The following PRDM16 variants were observed in gnomAD, a reference collection of about 807,000 sequenced individuals.
PRDM16 encodes histone-lysine N-methyltransferase PRDM16.
PRDM16 carries 23 observed loss-of-function variants against 110.6 expected under a neutral mutation model. The ratio of observed to expected loss-of-function variants is 0.21; its 90% CI spans 0.15 to 0.29. PRDM16 has a LOEUF of 0.29. Ranked by LOEUF, PRDM16 falls within the 10% of genes least tolerant of loss-of-function variation. The pLI, the probability that PRDM16 is intolerant of heterozygous loss-of-function variation, is 1.00. For missense variants in PRDM16, 1,615 were observed against 1,794.3 expected, an observed-to-expected ratio of 0.90 and a Z score of 1.81; for synonymous variants, 799 against 781.8, an observed-to-expected ratio of 1.02 and a Z score of -0.37.
intron 2 of PRDM16, among the ~76,000 whole-genome samples, chr1:3,222,868 A>G (rs537005695): frequency 6.6e-6 from 1 of 152,256 alleles, no homozygotes; most frequent in Admixed American, 6.5e-5. Context: ...TTTGCATCCA[A>G]AGGGGCCTGG....
At chr1:3,103,399 CT>C (rs1478028738) in intron 1 of PRDM16, among the ~76,000 whole-genome samples, 3 of 152,224 alleles carry the variant, frequency 2.0e-5, no homozygotes, top group Non-Finnish European at 4.4e-5. Context: ...CCTTAGTCGT[CT>C]CTTTAGAGAC....
chr1:3,304,756 G>T (rs200340346), intron 3 of PRDM16, among the ~76,000 whole-genome samples: 1 of 151,954 alleles, frequency 6.6e-6, no homozygotes, highest in African/African-American at 2.4e-5. Context: ...CCCTGCAGGG[G>T]CCAATGCTCT....
At chr1:3,117,582 C>G (rs149655293) in intron 1 of PRDM16, among the ~76,000 whole-genome samples, 1 of 152,050 alleles carries the variant, frequency 6.6e-6, no homozygotes, top group East Asian at 1.9e-4. Context: ...CTTGATTTGC[C>G]AAGTTGTCCA....
At chr1:3,394,513 G>A (rs1643355003) in intron 4 of PRDM16, 2 of 427,336 alleles carry the variant, frequency 4.7e-6, no homozygotes, top group South Asian at 1.6e-5. Context: ...GGTGGGTGGT[G>A]CGGCCTGGAG....
At chr1:3,293,267 C>T (rs1300920007) in intron 3 of PRDM16, among the ~76,000 whole-genome samples, 1 of 152,224 alleles carries the variant, frequency 6.6e-6, no homozygotes. Flanking sequence ...AGCCAAGCAG[C>T]CCAGGGGTTC....
chr1:3,181,095 CACGCAGTCTT>C (rs1268720879), intron 1 of PRDM16, among the ~76,000 whole-genome samples: 3 of 23,876 alleles, frequency 1.3e-4, no homozygotes, highest in African/African-American at 2.0e-4. Context: ...CGGCCTTACA[CACGCAGTCTT>C]ACACGCGGCC....
intron 2 of PRDM16, among the ~76,000 whole-genome samples, chr1:3,231,524 G>A (rs1042998250): frequency 2.7e-5 from 4 of 149,742 alleles, no homozygotes; most frequent in Admixed American, 1.3e-4. Flanking sequence ...GTCGAGAGGT[G>A]TTTCTGGGAC....
At chr1:3,106,960 G>C (rs1253163164) in intron 1 of PRDM16, among the ~76,000 whole-genome samples, 1 of 152,226 alleles carries the variant, frequency 6.6e-6, no homozygotes, top group Admixed American at 6.5e-5. Context: ...AGGAGAGGGG[G>C]CCAGCCTTTC....
chr1:3,260,592 G>A (rs1425051331), intron 3 of PRDM16, among the ~76,000 whole-genome samples: 3 of 150,940 alleles, frequency 2.0e-5, no homozygotes, highest in East Asian at 4.0e-4. Context: ...TGATGCTGGT[G>A]ATGAGGTTGA....
At chr1:3,427,060 C>T (rs1638629701) in intron 14 of PRDM16, among the ~76,000 whole-genome samples, 1 of 152,266 alleles carries the variant, frequency 6.6e-6, no homozygotes, top group Admixed American at 6.5e-5. Context: ...TGACGGACAG[C>T]CGTGTGCGTA....
At chr1:3,085,027 C>T (rs573477156) in intron 1 of PRDM16, among the ~76,000 whole-genome samples, 1 of 152,324 alleles carries the variant, frequency 6.6e-6, no homozygotes, top group African/African-American at 2.4e-5. Context: ...CAGCATCCAG[C>T]CCCTTTTCCT....
chr1:3,155,869 T>C (rs1430339008), intron 1 of PRDM16, among the ~76,000 whole-genome samples: 1 of 152,248 alleles, frequency 6.6e-6, no homozygotes, highest in Non-Finnish European at 1.5e-5. Flanking sequence ...GTTACCCTTG[T>C]CTTCCTCTTC....
At position 3,219,965 on chromosome 1, in the gene PRDM16, G is replaced by A. The variant is rs183135548; in HGVS notation, c.388-24122G>A. On this transcript the variant is annotated intron_variant, in intron 2 of 16. Transcript: ENST00000270722. ...CTCCCTGGGGAGATGGCGAGGCTGC[G>A]GTGCTGGCCACAGATGTTTGGCGCT... Among the ~76,000 whole-genome samples the A allele has an allele frequency of 2.7e-4, 41 of 152,262 alleles. No individual in the cohort carries two copies. The South Asian group carries it at 4.8e-3, about 18-fold the overall frequency.
At chr1:3,166,588 G>A (rs1643959592) in intron 1 of PRDM16, among the ~76,000 whole-genome samples, 1 of 152,240 alleles carries the variant, frequency 6.6e-6, no homozygotes, top group African/African-American at 2.4e-5. Flanking sequence ...GAAGGGGACA[G>A]TCCCTCGCAT....
Position 3,201,635 on chromosome 1 carries a change from C to T in PRDM16, c.387+15161C>T, listed in dbSNP as rs760177350. ...CGGGGGCTGGGAGCCCCGGCTCTGA[C>T]GTTTCTCCAGTGACCCCTGGCAGGT... is the stretch of plus-strand genomic sequence containing the variant. On this transcript the variant is annotated intron_variant, in intron 2 of 16. Coordinates refer to ENST00000270722, the MANE Select transcript of PRDM16 (RefSeq NM_022114.4). The surrounding 1 kb of genome is among the most constrained non-coding windows in gnomAD (Gnocchi z 4.1). 5.9e-4 allele frequency among the ~76,000 whole-genome samples: 90 copies of T among 152,238 alleles called. No homozygotes were observed. Among genetic ancestry groups the T allele is most frequent in the Non-Finnish European group, 1.1e-3 (76 of 68,044 alleles).
intron 2 of PRDM16, among the ~76,000 whole-genome samples, chr1:3,233,433 C>T (rs1308952414): frequency 6.6e-6 from 1 of 152,122 alleles, no homozygotes; most frequent in African/African-American, 2.4e-5. Flanking sequence ...GCTGGGGTCC[C>T]CTCCTGCCGC....
chr1:3,324,353 G>A (rs1307080055), intron 3 of PRDM16, among the ~76,000 whole-genome samples: 1 of 152,134 alleles, frequency 6.6e-6, no homozygotes, highest in African/African-American at 2.4e-5. Context: ...GCCAGTCCTG[G>A]CCATCTTGAC....
In PRDM16 at chr1:3,206,613, C is replaced by A. The variant is rs1448855127; in HGVS notation, c.387+20139C>A. On this transcript the variant is annotated intron_variant, in intron 2 of 16. Coordinates refer to ENST00000270722, the MANE Select transcript of PRDM16 (RefSeq NM_022114.4). This position sits in a 1 kb window ranked among gnomAD's most constrained non-coding sequence, Gnocchi z 4.9. ...CTCCTGTGCACACACCCCTCCCGGCCCTTCCATGGAGGACCTGTAGGAACC... is the reference window on the plus strand; with the variant it reads ...CTCCTGTGCACACACCCCTCCCGGCACTTCCATGGAGGACCTGTAGGAACC... 6.6e-6 allele frequency: 1 copy of A among 152,266 alleles called. No individual in the cohort carries two copies. Among genetic ancestry groups the A allele is most frequent in the Non-Finnish European group, 1.5e-5 (1 of 68,084 alleles). The allele number at this position is 152,266 out of a possible 1,614,324, so 9.4% of individuals were successfully genotyped here.
intron 2 of PRDM16, among the ~76,000 whole-genome samples, chr1:3,229,327 G>C (rs1280034017): frequency 6.6e-6 from 1 of 152,176 alleles, no homozygotes; most frequent in African/African-American, 2.4e-5. Context: ...GTGAGATCGG[G>C]CAAGAGGTGC....
Sources: gnomAD v4.1 joint callset for allele counts (sites outside exome capture counted in the v4.1 genomes callset) on GRCh38, gnomAD v4.1.1 for gene constraint, Gnocchi (gnomAD v3.1) non-coding constraint, MANE v1.5 for transcripts, NCBI Gene and HGNC (gene_info 2026-07-23, HGNC 2026-07-21) for gene names.